The following GPR176 variants were observed in gnomAD, a reference collection of about 807,000 sequenced individuals.
GPR176 encodes G-protein coupled receptor 176.
A neutral mutation model predicts 35.4 loss-of-function variants in GPR176; 26 were observed. That is an observed-to-expected ratio of 0.74 (90% CI 0.54 to 1.02). The LOEUF (loss-of-function observed/expected upper bound fraction) is 1.02, where lower values mean the gene tolerates loss of function less well. Among genes scored for constraint, GPR176 ranks in the 50% least tolerant of loss-of-function variants. The pLI is 0.00. For synonymous variants in GPR176, 278 were observed against 271.3 expected, an observed-to-expected ratio of 1.02 and a Z score of -0.24; for missense variants, 597 against 665.3, an observed-to-expected ratio of 0.90 and a Z score of 1.13.
intron 1 of GPR176, among the ~76,000 whole-genome samples, chr15:39,809,713 C>G (rs188761872): frequency 1.3e-5 from 2 of 152,110 alleles, no homozygotes; most frequent in Non-Finnish European, 2.9e-5. Flanking sequence ...CACAGCAACA[C>G]AATTAGGACA....
At chr15:39,829,415 G>A in intron 1 of GPR176, 1 of 1,026,316 alleles carries the variant, frequency 9.7e-7, no homozygotes, top group Non-Finnish European at 1.2e-6. Flanking sequence ...CCTGTAGAGT[G>A]AGGTTGCAGG....
chr15:39,884,485 T>C (rs2032596928), intron 1 of GPR176, among the ~76,000 whole-genome samples: 1 of 152,230 alleles, frequency 6.6e-6, no homozygotes, highest in Non-Finnish European at 1.5e-5. Flanking sequence ...AATGGCTTAA[T>C]TGATAAAGGT....
At chr15:39,868,608 T>C (rs1219892473) in intron 1 of GPR176, among the ~76,000 whole-genome samples, 2 of 152,196 alleles carry the variant, frequency 1.3e-5, no homozygotes, top group African/African-American at 4.8e-5. Context: ...TAGAACTACT[T>C]TGCCAAAACA....
At chr15:39,838,493 T>C (rs1390628595) in intron 1 of GPR176, among the ~76,000 whole-genome samples, 1 of 152,154 alleles carries the variant, frequency 6.6e-6, no homozygotes, top group Admixed American at 6.5e-5. Context: ...TAATAAAACG[T>C]GAAGTTTTAC....
At chr15:39,806,020 C>T (rs1385740064) in intron 2 of GPR176, among the ~76,000 whole-genome samples, 3 of 152,186 alleles carry the variant, frequency 2.0e-5, no homozygotes. Context: ...GCAGACAGCA[C>T]CAGGCAGCTG....
chr15:39,892,110 T>C (rs1345782956), intron 1 of GPR176, among the ~76,000 whole-genome samples: 3 of 152,136 alleles, frequency 2.0e-5, no homozygotes, highest in Non-Finnish European at 4.4e-5. Context: ...CCAGGTGCTA[T>C]AGGGAAAAAG....
intron 1 of GPR176, among the ~76,000 whole-genome samples, chr15:39,895,256 T>G (rs2033071379): frequency 2.3e-5 from 1 of 43,706 alleles, no homozygotes; most frequent in Non-Finnish European, 4.4e-5. Context: ...AGGGAGACCA[T>G]GGGGAGAGGG....
At chr15:39,887,688 A>G (rs1244066895) in intron 1 of GPR176, among the ~76,000 whole-genome samples, 1 of 152,204 alleles carries the variant, frequency 6.6e-6, no homozygotes, top group Non-Finnish European at 1.5e-5. Context: ...TCCTAGAAGA[A>G]AATCTCACCC....
chr15:39,811,203 T>C (rs975445726), intron 1 of GPR176, among the ~76,000 whole-genome samples: 14 of 151,424 alleles, frequency 9.2e-5, no homozygotes, highest in African/African-American at 3.2e-4. Flanking sequence ...TAATTTTAAT[T>C]TTTTTTTTAG....
intron 1 of GPR176, among the ~76,000 whole-genome samples, chr15:39,866,032 T>C (rs1402654786): frequency 1.3e-5 from 2 of 152,052 alleles, no homozygotes; most frequent in African/African-American, 4.8e-5. Flanking sequence ...ATGAGCAAGA[T>C]CTCTGTGAGT....
chr15:39,895,430 A>G (rs1411466716), intron 1 of GPR176, among the ~76,000 whole-genome samples: 6 of 152,256 alleles, frequency 3.9e-5, no homozygotes, highest in African/African-American at 1.4e-4. Flanking sequence ...CAGTATAAAT[A>G]CAATGAACAG....
chr15:39,857,132 A>G (rs910097507), intron 1 of GPR176, among the ~76,000 whole-genome samples: 1 of 152,232 alleles, frequency 6.6e-6, no homozygotes, highest in African/African-American at 2.4e-5. Flanking sequence ...AAGCAAAGCC[A>G]TGGGTGTGTA....
intron 1 of GPR176, among the ~76,000 whole-genome samples, chr15:39,852,942 T>C (rs1229600626): frequency 1.3e-5 from 2 of 152,144 alleles, no homozygotes; most frequent in South Asian, 2.1e-4. Context: ...GTGAAGAAAT[T>C]GGAACTCTTG....
chr15:39,900,395 A>T (rs2033242371), intron 1 of GPR176, among the ~76,000 whole-genome samples: 1 of 152,248 alleles, frequency 6.6e-6, no homozygotes, highest in South Asian at 2.1e-4. Flanking sequence ...ACTCATGTTA[A>T]GATTACAAGT....
chr15:39,897,465 T>C (rs894687695), intron 1 of GPR176, among the ~76,000 whole-genome samples: 1 of 152,196 alleles, frequency 6.6e-6, no homozygotes, highest in Admixed American at 6.5e-5. Flanking sequence ...ACTTTGCAAA[T>C]GAAGTTTTAA....
intron 1 of GPR176, among the ~76,000 whole-genome samples, chr15:39,899,415 C>G: frequency 6.6e-6 from 1 of 152,122 alleles, no homozygotes; most frequent in East Asian, 1.9e-4. Flanking sequence ...CTGTTTCTAC[C>G]CCTTGATTCC....
intron 1 of GPR176, among the ~76,000 whole-genome samples, chr15:39,827,199 C>T (rs1008339061): frequency 2.0e-5 from 3 of 152,166 alleles, no homozygotes; most frequent in African/African-American, 4.8e-5. Flanking sequence ...GAGAAATGTA[C>T]GCACATGCAG....
intron 1 of GPR176, among the ~76,000 whole-genome samples, chr15:39,891,372 T>C (rs2032866049): frequency 6.6e-6 from 1 of 152,212 alleles, no homozygotes; most frequent in African/African-American, 2.4e-5. Context: ...GTTTTTTTGT[T>C]GTTAAAGATG....
intron 1 of GPR176, among the ~76,000 whole-genome samples, chr15:39,908,150 C>T (rs949116618): frequency 6.6e-6 from 1 of 152,224 alleles, no homozygotes; most frequent in Non-Finnish European, 1.5e-5. Context: ...TTGCCAGTCC[C>T]ACAGCTTCCA....
Sources: allele counts gnomAD v4.1 joint callset (sites outside exome capture counted in the v4.1 genomes callset), GRCh38; gene constraint gnomAD v4.1.1; transcripts MANE v1.5; gene names NCBI Gene and HGNC (gene_info 2026-07-23, HGNC 2026-07-21).